Variants in FADD observed in about 807,000 individuals in gnomAD.
FADD encodes Fas associated via death domain.
FADD carries 3 observed loss-of-function variants against 5.8 expected under a neutral mutation model. The observed-to-expected ratio is 0.52, with a 90% CI of 0.24 to 1.34. FADD has a LOEUF of 1.34. Ranked by LOEUF, FADD falls within the 40% of genes most tolerant of loss-of-function variation. The pLI, the probability that FADD is intolerant of heterozygous loss-of-function variation, is 0.17. For missense variants in FADD, 249 were observed against 286.7 expected (o/e 0.87, Z 0.95); for synonymous variants, 138 against 130.8 (o/e 1.06, Z -0.38).
intron 1 of FADD, among the ~76,000 whole-genome samples, chr11:70,205,492 C>G (rs2049452201): frequency 6.6e-6 from 1 of 152,152 alleles, no homozygotes; most frequent in Non-Finnish European, 1.5e-5. Flanking sequence ...GACCGGCACA[C>G]CCTCGGAATG....
rs2049471048 is a variant in FADD at position 70,207,360 on chromosome 11, C to G, written c.*887C>G. ...TATTCCTAAGGTAATCCTATTAAAACACAGCTTTACAACTTCCATACTACA... is the reference window on the plus strand; with the variant it reads ...TATTCCTAAGGTAATCCTATTAAAAGACAGCTTTACAACTTCCATACTACA... On this transcript the variant is annotated 3_prime_UTR_variant, in exon 2 of 2. Transcript: ENST00000301838. 1 of 152,110 alleles carries G rather than the reference C, an allele frequency of 6.6e-6. No individual in the cohort carries two copies. The highest frequency in any genetic ancestry group is 1.5e-5 in the Non-Finnish European group (1 of 68,020). The allele number at this position is 152,110 out of a possible 1,614,324, so 9.4% of individuals were successfully genotyped here.
At position 70,206,492 on chromosome 11, in the gene FADD, T is replaced by C; in HGVS notation, c.*19T>C. 1.2e-6 allele frequency: 2 copies of C among 1,603,080 alleles called. No homozygotes were observed. The highest frequency in any genetic ancestry group is 1.7e-6 in the Non-Finnish European group (2 of 1,173,780). Reference sequence around the variant, plus strand: ...GTCCTGATGGGCCGCTGCTTTGCGCTGGTGGACCACAGGCATCTACACAGC... The same window carrying C: ...GTCCTGATGGGCCGCTGCTTTGCGCCGGTGGACCACAGGCATCTACACAGC... On this transcript the variant is annotated 3_prime_UTR_variant, in exon 2 of 2. Transcript: ENST00000301838.
rs2135899881 is a variant in FADD, at chr11:70,206,244, AC to A, written c.403del (p.Arg135AlafsTer3). On this transcript the variant is annotated frameshift_variant, in exon 2 of 2. Coordinates refer to ENST00000301838, the MANE Select transcript of FADD (RefSeq NM_003824.4). LOFTEE classifies it low-confidence loss of function (END_TRUNC). ...DTKIDSIEDRYPRNLTERVRE... is the reference protein window; with the variant it reads ...DTKIDSIEDRXPRNLTERVRE... ...AAGATCGACAGCATCGAGGACAGAT[AC>A]CCCCGCAACCTGACAGAGCGTGTGC... 6.2e-7 allele frequency: 1 copy of A among 1,614,072 alleles called. No homozygotes were observed. The highest frequency in any genetic ancestry group is 1.7e-5 in the Admixed American group (1 of 60,010).
At chr11:70,204,194 T>G (rs775824962) in intron 1 of FADD, among the ~76,000 whole-genome samples, 4 of 152,268 alleles carry the variant, frequency 2.6e-5, no homozygotes, top group Admixed American at 6.5e-5. Flanking sequence ...ATTTTCGCAG[T>G]AGCCCTGTGG....
intron 1 of FADD, among the ~76,000 whole-genome samples, chr11:70,204,811 CG>C (rs2135898946): frequency 6.6e-6 from 1 of 152,214 alleles, no homozygotes; most frequent in African/African-American, 2.4e-5. Flanking sequence ...ATTTTAAAGG[CG>C]GTCTACGAAA....
intron 1 of FADD, among the ~76,000 whole-genome samples, 178 bp from the exon 2 acceptor site, chr11:70,205,955 C>T (rs1271991454): frequency 6.1e-5 from 5 of 82,512 alleles, no homozygotes; most frequent in African/African-American, 2.1e-4. Flanking sequence ...AATCAGGCCA[C>T]TCTTGGGCAT....
chr11:70,205,279 T>C (rs1349807158), intron 1 of FADD, among the ~76,000 whole-genome samples: 1 of 152,166 alleles, frequency 6.6e-6, no homozygotes, highest in African/African-American at 2.4e-5. Context: ...CTGATCTCAG[T>C]GGTGACGTCA....
chr11:70,203,702 C>CT lies in FADD; in HGVS notation c.245dup (p.Glu83ArgfsTer20), dbSNP rs2049439445. The CT allele has an allele frequency of 6.8e-7, 1 of 1,466,740 alleles. No homozygotes were observed. Among genetic ancestry groups the CT allele is most frequent in the Non-Finnish European group, 9.0e-7 (1 of 1,116,172 alleles). 90.9% of individuals were successfully genotyped at this position (1,466,740 alleles called of 1,614,324 possible). On this transcript the variant is annotated frameshift_variant, in exon 1 of 2. Transcript: ENST00000301838. LOFTEE classifies it low-confidence loss of function (END_TRUNC). ...ACGACCTGCTGCGGCGCGTCGACGA[C>CT]TTCGAGGCGGGGGCGGCGGCCGGGG...
At position 70,206,311 on chromosome 11, in the gene FADD, C is replaced by T. The variant is rs762207823; in HGVS notation, c.465C>T (p.Asn155=). 2.0e-5 allele frequency: 33 copies of T among 1,614,044 alleles called. No individual in the cohort carries two copies. Among genetic ancestry groups the T allele is most frequent in the South Asian group, 2.0e-4 (18 of 91,090 alleles). ...TCTGGAAGAACACAGAGAAGGAGAA[C>T]GCAACAGTGGCCCACCTGGTGGGGG... ...LRIWKNTEKE[N]ATVAHLVGAL... is the part of the protein sequence containing the mutation. The change falls in exon 2 of 2, where the codon AAC becomes AAT. Residue 155 remains asparagine, a synonymous_variant. Coordinates refer to ENST00000301838, the MANE Select transcript of FADD (RefSeq NM_003824.4).
chr11:70,203,900 C>G (rs1045238198), intron 1 of FADD, among the ~76,000 whole-genome samples, 155 bp downstream of exon 1: 1 of 152,234 alleles, frequency 6.6e-6, no homozygotes, highest in Non-Finnish European at 1.5e-5. Context: ...ATGGGAGAGC[C>G]AGAAACGCAG....
chr11:70,204,453 C>T (rs2049444778), intron 1 of FADD, among the ~76,000 whole-genome samples: 1 of 152,178 alleles, frequency 6.6e-6, no homozygotes, highest in Non-Finnish European at 1.5e-5. Flanking sequence ...CAGCAGCTTC[C>T]AGGATAAAAA....
intron 1 of FADD, 29 bp from the exon 2 acceptor site, chr11:70,206,104 G>A (rs1416602400): frequency 3.8e-6 from 6 of 1,587,030 alleles, no homozygotes; most frequent in Non-Finnish European, 5.2e-6. Flanking sequence ...CCAAACCTAT[G>A]GTAAACCGTT....
chr11:70,204,549 C>T (rs2049445449), intron 1 of FADD, among the ~76,000 whole-genome samples: 1 of 152,160 alleles, frequency 6.6e-6, no homozygotes, highest in African/African-American at 2.4e-5. Flanking sequence ...CTGGGGACGC[C>T]TCTCAGAGGC....
Position 70,206,592 on chromosome 11 carries a change from C to G in FADD, c.*119C>G. The G allele has an allele frequency of 1.1e-6, 1 of 894,946 alleles. No individual in the cohort carries two copies. Among genetic ancestry groups the G allele is most frequent in the African/African-American group, 1.6e-5 (1 of 60,726 alleles). 55.4% of individuals were successfully genotyped at this position (894,946 alleles called of 1,614,324 possible). On this transcript the variant is annotated 3_prime_UTR_variant, in exon 2 of 2. Coordinates refer to ENST00000301838, the MANE Select transcript of FADD (RefSeq NM_003824.4). ...GCAGGAAGCCAGGCTGAGTGAGCCACAGACCACCTGCTTCTGAACTCAAGC... is the reference window on the plus strand; with the variant it reads ...GCAGGAAGCCAGGCTGAGTGAGCCAGAGACCACCTGCTTCTGAACTCAAGC...
At chr11:70,205,254 C>T (rs1197520231) in intron 1 of FADD, among the ~76,000 whole-genome samples, 1 of 152,190 alleles carries the variant, frequency 6.6e-6, no homozygotes, top group Non-Finnish European at 1.5e-5. Context: ...CTTTTATGGT[C>T]TTGTGACCAG....
In FADD at chr11:70,203,302, G is replaced by C. The variant is rs527899309; in HGVS notation, c.-158G>C. ...AGATAACGGTCGAAAACGCGCTCTT[G>C]TCGATTTCCTGTAGTGAATCAGGCA... On this transcript the variant is annotated 5_prime_UTR_variant, in exon 1 of 2. Transcript: ENST00000301838. The C allele has an allele frequency of 4.4e-6, 6 of 1,365,538 alleles. No homozygotes were observed. In the South Asian group the frequency reaches 8.8e-5, roughly 20 times the overall value. 84.6% of individuals were successfully genotyped at this position (1,365,538 alleles called of 1,614,324 possible). A position where few individuals can be genotyped will look rare whatever the true frequency, so the allele number is the denominator to read the frequency against.
intron 1 of FADD, 119 bp from the exon 2 acceptor site, chr11:70,206,014 C>G: frequency 2.3e-6 from 2 of 865,400 alleles, no homozygotes; most frequent in Non-Finnish European, 3.8e-6. Flanking sequence ...TACAGAGGAC[C>G]TCGTGTAGGC....
At chr11:70,204,258 C>T (rs992970165) in intron 1 of FADD, among the ~76,000 whole-genome samples, 1 of 152,218 alleles carries the variant, frequency 6.6e-6, no homozygotes, top group Non-Finnish European at 1.5e-5. Flanking sequence ...AGGACTGTGG[C>T]TCACAGGTTA....
At chr11:70,203,816 G>A in intron 1 of FADD, 71 bp downstream of exon 1, 2 of 742,854 alleles carry the variant, frequency 2.7e-6, no homozygotes, top group East Asian at 3.5e-5. Context: ...GGCTCCTCCG[G>A]TTGGCCTCCA....
Sources: allele counts gnomAD v4.1 joint callset (sites outside exome capture counted in the v4.1 genomes callset), GRCh38; gene constraint gnomAD v4.1.1; transcripts MANE v1.5; gene names NCBI Gene and HGNC (gene_info 2026-07-23, HGNC 2026-07-21).